PAK5: variants seen among roughly 807,000 people sequenced by gnomAD.
The protein encoded by PAK5 is serine/threonine-protein kinase PAK 5.
Under a neutral mutation model 65.9 loss-of-function variants are expected in PAK5, and 16 were observed. The ratio of observed to expected loss-of-function variants is 0.24; its 90% CI spans 0.16 to 0.37. PAK5 has a LOEUF of 0.37. PAK5 is among the 10% of genes least tolerant of loss of function. The probability of loss-of-function intolerance (pLI) is 1.00; values close to 1 mark genes in which losing one functional copy is unlikely to be tolerated. For synonymous variants in PAK5, 371 were observed against 354.9 expected (o/e 1.05, Z -0.51); for missense variants, 785 against 903.9 (o/e 0.87, Z 1.69).
chr20:9,797,692 A>AAAAAT (rs1166141925), intron 1 of PAK5, among the ~76,000 whole-genome samples: 1 of 150,526 alleles, frequency 6.6e-6, no homozygotes, highest in Non-Finnish European at 1.5e-5. Flanking sequence ...AAAAAAAAGA[A>AAAAAT]AAAATAAAAT....
At chr20:9,665,153 C>T (rs1347632191) in intron 2 of PAK5, among the ~76,000 whole-genome samples, 2 of 134,164 alleles carry the variant, frequency 1.5e-5, no homozygotes, top group Non-Finnish European at 3.1e-5. Context: ...CTCCTGGGCT[C>T]AAGAGATCCT....
intron 9 of PAK5, among the ~76,000 whole-genome samples, chr20:9,541,467 C>T (rs1345184633): frequency 6.6e-6 from 1 of 152,226 alleles, no homozygotes; most frequent in Non-Finnish European, 1.5e-5. Flanking sequence ...TTGCCCTGTA[C>T]AATCTAGCTC....
intron 1 of PAK5, among the ~76,000 whole-genome samples, chr20:9,727,504 T>C (rs1460073990): frequency 1.3e-5 from 2 of 152,174 alleles, no homozygotes; most frequent in African/African-American, 4.8e-5. Context: ...TGTCCCAATA[T>C]TTTTAGTATC....
chr20:9,808,656 G>T (rs1164178261), intron 1 of PAK5, among the ~76,000 whole-genome samples: 6 of 152,174 alleles, frequency 3.9e-5, no homozygotes, highest in African/African-American at 1.4e-4. Flanking sequence ...CCATTTATAT[G>T]AAATGTTCAG....
At chr20:9,717,957 T>A (rs543061219) in intron 1 of PAK5, among the ~76,000 whole-genome samples, 4 of 152,040 alleles carry the variant, frequency 2.6e-5, no homozygotes, top group Non-Finnish European at 5.9e-5. Context: ...TCTCTGGACA[T>A]TTTACTCCTA....
At chr20:9,722,635 A>T (rs1195982605) in intron 1 of PAK5, among the ~76,000 whole-genome samples, 1 of 152,126 alleles carries the variant, frequency 6.6e-6, no homozygotes, top group Non-Finnish European at 1.5e-5. Context: ...AAATAAATTA[A>T]TTTTTAAAAA....
At chr20:9,693,182 G>A (rs1403495115) in intron 2 of PAK5, among the ~76,000 whole-genome samples, 1 of 152,076 alleles carries the variant, frequency 6.6e-6, no homozygotes, top group East Asian at 1.9e-4. Context: ...TTGATCCTTT[G>A]TGAAGGCAAT....
chr20:9,617,022 G>A (rs950569532), intron 3 of PAK5, among the ~76,000 whole-genome samples: 6 of 152,194 alleles, frequency 3.9e-5, no homozygotes, highest in African/African-American at 1.4e-4. Flanking sequence ...AAGCCTGAGA[G>A]GCATAACTGA....
At chr20:9,665,764 G>C (rs1201996875) in intron 2 of PAK5, among the ~76,000 whole-genome samples, 1 of 151,784 alleles carries the variant, frequency 6.6e-6, no homozygotes, top group Non-Finnish European at 1.5e-5. Flanking sequence ...AAAGTGCTGG[G>C]ATTACAGGTG....
intron 2 of PAK5, among the ~76,000 whole-genome samples, chr20:9,709,336 T>C (rs1341109116): frequency 3.9e-5 from 6 of 152,200 alleles, no homozygotes; most frequent in Non-Finnish European, 8.8e-5. Flanking sequence ...GGTATTGATT[T>C]TGGCCATGTC....
rs2048682595 is a variant in PAK5 at position 9,760,195 on chromosome 20, T to C, written c.-161-48760A>G. Among the ~76,000 whole-genome samples, 3 of 152,170 alleles carry C rather than the reference T, an allele frequency of 2.0e-5. No individual in the cohort carries two copies. The South Asian group carries it at 6.2e-4, about 31-fold the overall frequency. On this transcript the variant is annotated intron_variant, in intron 1 of 9. Transcript: ENST00000353224. Reference sequence around the variant, plus strand: ...AAGTACTACTTTGTTTTGTGGGGGATGTCAAAAATTAGAGCCAAAAACAGA... The same window carrying C: ...AAGTACTACTTTGTTTTGTGGGGGACGTCAAAAATTAGAGCCAAAAACAGA...
chr20:9,580,078 G>C, intron 4 of PAK5, 67 bp downstream of exon 4: 1 of 1,332,394 alleles, frequency 7.5e-7, no homozygotes, highest in Admixed American at 2.3e-5. Flanking sequence ...CGTATAAAAA[G>C]GTCGTGCCAG....
chr20:9,736,897 C>A (rs183314661), intron 1 of PAK5, among the ~76,000 whole-genome samples: 3,691 of 152,028 alleles, frequency 0.024, 70 homozygotes, highest in South Asian at 0.081. Context: ...ATAAGAAAGT[C>A]TCAGAAGAAG....
At position 9,544,219 on chromosome 20, in the gene PAK5, A is replaced by G. The variant is rs530939092; in HGVS notation, c.1869+150T>C. On this transcript the variant is annotated intron_variant, in intron 8 of 9. Coordinates refer to ENST00000353224, the MANE Select transcript of PAK5 (RefSeq NM_177990.4). ...GCCAGGCTCCCACCTGCCACAGCCTATCTACTCTGTGCCTCATCTAGTGAG... is the reference window on the plus strand; with the variant it reads ...GCCAGGCTCCCACCTGCCACAGCCTGTCTACTCTGTGCCTCATCTAGTGAG... 2.0e-5 allele frequency: 17 copies of G among 839,626 alleles called. No homozygotes were observed. The East Asian group carries it at 3.9e-4, about 19-fold the overall frequency. The allele number at this position is 839,626 out of a possible 1,614,324, so 52.0% of individuals were successfully genotyped here. A position where few individuals can be genotyped will look rare whatever the true frequency, so the allele number is the denominator to read the frequency against.
At chr20:9,641,825 G>A (rs1457030901) in intron 3 of PAK5, among the ~76,000 whole-genome samples, 1 of 152,154 alleles carries the variant, frequency 6.6e-6, no homozygotes, top group South Asian at 2.1e-4. Context: ...CGCAGCCACT[G>A]GCCCAGGTGC....
intron 1 of PAK5, among the ~76,000 whole-genome samples, chr20:9,787,544 TTAAACTC>T (rs2049004843): frequency 6.6e-6 from 1 of 152,010 alleles, no homozygotes; most frequent in Non-Finnish European, 1.5e-5. Context: ...CTTGGGTAAG[TTAAACTC>T]TCTAAGCCTC....
At chr20:9,686,082 C>CA (rs1003923269) in intron 2 of PAK5, among the ~76,000 whole-genome samples, 1 of 151,848 alleles carries the variant, frequency 6.6e-6, no homozygotes, top group East Asian at 1.9e-4. Flanking sequence ...TTTGTAGTGG[C>CA]AAAAAAAGGC....
intron 1 of PAK5, among the ~76,000 whole-genome samples, chr20:9,816,320 G>A (rs569601915): frequency 3.9e-5 from 6 of 152,250 alleles, no homozygotes; most frequent in East Asian, 1.9e-4. Flanking sequence ...CATTAATAGC[G>A]AAATAAAGGT....
chr20:9,637,498 G>A (rs531803014), intron 3 of PAK5, among the ~76,000 whole-genome samples: 1 of 152,044 alleles, frequency 6.6e-6, no homozygotes, highest in Non-Finnish European at 1.5e-5. Flanking sequence ...GAGAACCACT[G>A]CAAGAAAACT....
Sources: allele counts gnomAD v4.1 joint callset (sites outside exome capture counted in the v4.1 genomes callset), GRCh38; gene constraint gnomAD v4.1.1; transcripts MANE v1.5; gene names NCBI Gene and HGNC (gene_info 2026-07-23, HGNC 2026-07-21).